CLN8: variants seen among roughly 807,000 people sequenced by gnomAD.
CLN8 encodes CLN8 transmembrane ER and ERGIC protein, also known as protein CLN8.
A neutral mutation model predicts 15.7 loss-of-function variants in CLN8; 14 were observed. The observed-to-expected ratio is 0.89, with a 90% CI of 0.59 to 1.39. The LOEUF is 1.39. Ranked by LOEUF, CLN8 falls within the 40% of genes most tolerant of loss-of-function variation. CLN8 has a pLI of 0.00. For missense variants in CLN8, 415 were observed against 364.0 expected, an observed-to-expected ratio of 1.14 and a Z score of -1.14; for synonymous variants, 188 against 151.0, an observed-to-expected ratio of 1.25 and a Z score of -1.80.
At chr8:1,762,575 C>T (rs1049175832), upstream of CLN8, 1 of 152,194 alleles carries the variant, frequency 6.6e-6, no homozygotes, top group Non-Finnish European at 1.5e-5. Context: ...CTAAATGAGC[C>T]AGCAGAAAAA....
chr8:1,772,098 G>A (rs1198449826), intron 2 of CLN8, among the ~76,000 whole-genome samples: 1 of 151,930 alleles, frequency 6.6e-6, no homozygotes, highest in Admixed American at 6.6e-5. Context: ...ACCACACCTG[G>A]CTACCTTTTT....
At chr8:1,756,236 C>T (rs1188721202) in intron 1 of CLN8, among the ~76,000 whole-genome samples, 4 of 152,318 alleles carry the variant, frequency 2.6e-5, no homozygotes, top group African/African-American at 9.6e-5. Context: ...GTAATCCTAG[C>T]ACTTTGAGAG....
rs1003476629 is a variant in CLN8 at position 1,771,001 on chromosome 8, G to A, written c.-54G>A. The A allele has an allele frequency of 7.0e-6, 11 of 1,565,232 alleles. No homozygotes were observed. The African/African-American group carries it at 1.1e-4, about 15-fold the overall frequency. On this transcript the variant is annotated 5_prime_UTR_variant, in exon 2 of 3. Coordinates refer to ENST00000331222, the MANE Select transcript of CLN8 (RefSeq NM_018941.4). Reference sequence around the variant, plus strand: ...TTCATTTCCTTAGACAAGACACAGTGTAGGGCCCGGCCCGTGTTGGCCCCA... The same window carrying A: ...TTCATTTCCTTAGACAAGACACAGTATAGGGCCCGGCCCGTGTTGGCCCCA...
Position 1,780,845 on chromosome 8 carries a change from G to A in CLN8, c.*278G>A. 1 of 527,080 alleles carries A rather than the reference G, an allele frequency of 1.9e-6. No homozygotes were observed. Among genetic ancestry groups the A allele is most frequent in the Non-Finnish European group, 3.4e-6 (1 of 295,600 alleles). 32.7% of individuals were successfully genotyped at this position (527,080 alleles called of 1,614,324 possible). A position where few individuals can be genotyped will look rare whatever the true frequency, so the allele number is the denominator to read the frequency against. On this transcript the variant is annotated 3_prime_UTR_variant, in exon 3 of 3. Coordinates refer to ENST00000331222, the MANE Select transcript of CLN8 (RefSeq NM_018941.4). ...GGAGTCCATGGTGTCCAGGCATCGG[G>A]GCGTCACACCTGTTGAGGAGTGGGG... is the stretch of plus-strand genomic sequence containing the variant.
In CLN8 at chr8:1,780,284, A is replaced by G. The variant is rs997976248; in HGVS notation, c.578A>G (p.Asn193Ser). ...TCCGAGTCTCTGTTTTGGAAGCTCA[A>G]CCAGTGGCTGATGATTCACATGTTT... ...GWSESLFWKL[N>S]QWLMIHMFHC... The change falls in exon 3 of 3, where the codon AAC becomes AGC. Residue 193 changes from asparagine to serine, a missense_variant. Asn to Ser is a conservative substitution (Grantham distance 46, BLOSUM62 1). Transcript: ENST00000331222. The G allele has an allele frequency of 8.1e-6, 13 of 1,614,256 alleles. No individual in the cohort carries two copies. The highest frequency in any genetic ancestry group is 1.3e-5 in the African/African-American group (1 of 75,070).
At chr8:1,772,886 A>T in intron 2 of CLN8, 1 of 398,598 alleles carries the variant, frequency 2.5e-6, no homozygotes, top group Non-Finnish European at 4.4e-6. Context: ...AGCCATTCAC[A>T]CAAATGGGTC....
At chr8:1,761,902 A>C (rs1800806143), upstream of CLN8, 1 of 152,224 alleles carries the variant, frequency 6.6e-6, no homozygotes, top group African/African-American at 2.4e-5. Flanking sequence ...GGAGGGTCAG[A>C]ATCTTGTAAT....
rs192196274 is a variant in CLN8, at chr8:1,771,180, C to A, written c.126C>A (p.Cys42Ter). 1 of 1,614,040 alleles carries A rather than the reference C, an allele frequency of 6.2e-7. No individual in the cohort carries two copies. The highest frequency in any genetic ancestry group is 8.5e-7 in the Non-Finnish European group (1 of 1,180,026). Residue 42 changes from cysteine to a stop codon, truncating the protein, a stop_gained, in exon 2 of 3, where the codon TGC becomes TGA. Transcript: ENST00000331222. LOFTEE classifies it high-confidence loss of function. ...TCTACTTGGGCGTCTTTGTGGTCTG[C>A]CACCAGCTGTCCTCTTCCCTGAATG... is the stretch of plus-strand genomic sequence containing the variant. ...FVFYLGVFVV[C>*]HQLSSSLNAT...
upstream of CLN8, chr8:1,761,857 T>A (rs138536451): frequency 3.3e-5 from 5 of 152,318 alleles, no homozygotes; most frequent in Non-Finnish European, 5.9e-5. Flanking sequence ...TTGTTAGGTT[T>A]TTCAATAGTG....
chr8:1,773,140 T>G (rs1801380616), intron 2 of CLN8, among the ~76,000 whole-genome samples: 1 of 151,988 alleles, frequency 6.6e-6, no homozygotes, highest in Admixed American at 6.6e-5. Context: ...TCCCCTGAGG[T>G]TGGCCCCATC....
intron 2 of CLN8, 73 bp downstream of exon 2, chr8:1,771,670 T>C: frequency 7.2e-7 from 1 of 1,394,336 alleles, no homozygotes; most frequent in Admixed American, 1.9e-5. Context: ...TCCTGGACGC[T>C]GCCATAAACT....
chr8:1,770,864 C>T (rs1317258341), intron 1 of CLN8, 68 bp from the exon 2 acceptor site: 9 of 615,708 alleles, frequency 1.5e-5, no homozygotes, highest in East Asian at 5.5e-5. Context: ...TTAATGTTTG[C>T]GTTACTGGGG....
Position 1,756,083 on chromosome 8 carries a change from G to A in CLN8, c.-124+1G>A, listed in dbSNP as rs1800662868. The A allele has an allele frequency of 6.6e-6, 1 of 152,178 alleles. No homozygotes were observed. Among genetic ancestry groups the A allele is most frequent in the Admixed American group, 6.5e-5 (1 of 15,284 alleles). 9.4% of individuals were successfully genotyped at this position (152,178 alleles called of 1,614,324 possible). On this transcript the variant is annotated splice_donor_variant, in intron 1 of 1. Transcript: ENST00000524258. LOFTEE classifies it low-confidence loss of function (5UTR_SPLICE). ...GAAGATTTGTAAAGAAAACTCTTAG[G>A]TAAGTTTTCATTGTTTGGTGTTTAA...
In CLN8 at chr8:1,783,418, A is replaced by G. The variant is rs1232523110; in HGVS notation, c.*2851A>G. ...TGATGGCAGGTGACCCGGATAGAAA[A>G]TGGCCCTGCGTTTAGCCAGGATGTG... On this transcript the variant is annotated 3_prime_UTR_variant, in exon 3 of 3. Coordinates refer to ENST00000331222, the MANE Select transcript of CLN8 (RefSeq NM_018941.4). 6.6e-6 allele frequency: 1 copy of G among 152,256 alleles called. No individual in the cohort carries two copies. The highest frequency in any genetic ancestry group is 1.5e-5 in the Non-Finnish European group (1 of 68,048). 9.4% of individuals were successfully genotyped at this position (152,256 alleles called of 1,614,324 possible).
chr8:1,776,938 G>A (rs1271471629), intron 2 of CLN8, among the ~76,000 whole-genome samples: 2 of 152,218 alleles, frequency 1.3e-5, no homozygotes, highest in Non-Finnish European at 2.9e-5. Context: ...CACAGACACG[G>A]TGAGAGACGT....
intron 1 of CLN8, among the ~76,000 whole-genome samples, chr8:1,766,993 A>G (rs1323333140): frequency 6.6e-6 from 1 of 152,242 alleles, no homozygotes; most frequent in Non-Finnish European, 1.5e-5. Context: ...TGTTCTCAGT[A>G]CAACGCTGAT....
upstream of CLN8, among the ~76,000 whole-genome samples, chr8:1,761,697 T>A (rs1333945307): frequency 6.6e-6 from 1 of 152,168 alleles, no homozygotes; most frequent in Non-Finnish European, 1.5e-5. Context: ...AGGGGTCAGA[T>A]CAGAGATGAA....
chr8:1,775,895 C>G (rs1801492723), intron 2 of CLN8, among the ~76,000 whole-genome samples: 1 of 152,232 alleles, frequency 6.6e-6, no homozygotes, highest in South Asian at 2.1e-4. Context: ...CGGGTCATAA[C>G]AAAGACGATT....
At chr8:1,759,022 T>C (rs915826916), upstream of CLN8, 12 of 152,238 alleles carry the variant, frequency 7.9e-5, no homozygotes, top group Non-Finnish European at 1.6e-4. Flanking sequence ...ATGCTTGATT[T>C]CTTCCAGGGC....
Sources: gnomAD v4.1 joint callset for allele counts (sites outside exome capture counted in the v4.1 genomes callset) on GRCh38, gnomAD v4.1.1 for gene constraint, MANE v1.5 for transcripts, NCBI Gene and HGNC (gene_info 2026-07-23, HGNC 2026-07-21) for gene names.